Variants in BTG4 observed in about 807,000 individuals in gnomAD.
BTG4 encodes protein BTG4.
A neutral mutation model predicts 19.3 loss-of-function variants in BTG4; 10 were observed. The observed-to-expected ratio is 0.52, with a 90% CI of 0.32 to 0.88. BTG4 has a LOEUF of 0.88. Ranked by LOEUF, BTG4 falls within the 40% of genes least tolerant of loss-of-function variation. The probability of loss-of-function intolerance (pLI) is 0.04; values close to 1 mark genes in which losing one functional copy is unlikely to be tolerated. For missense variants in BTG4, 238 were observed against 281.9 expected (o/e 0.84, Z 1.11); for synonymous variants, 91 against 95.7 (o/e 0.95, Z 0.29).
At chr11:111,508,196 A>G (rs897423273) in intron 1 of BTG4, among the ~76,000 whole-genome samples, 1 of 152,216 alleles carries the variant, frequency 6.6e-6, no homozygotes, top group East Asian at 1.9e-4. Flanking sequence ...TCTTCATCCC[A>G]TATTTTCTAC....
At chr11:111,416,400 T>A in the BTG4 span, 2 of 152,038 alleles carry the variant, frequency 1.3e-5, no homozygotes, top group Admixed American at 1.3e-4. Flanking sequence ...CAATCCTAGG[T>A]AGGTGTGCCT....
At chr11:111,440,233 C>G in the BTG4 span, among the ~76,000 whole-genome samples, 1 of 152,142 alleles carries the variant, frequency 6.6e-6, no homozygotes, top group African/African-American at 2.4e-5. Context: ...GAGAGTGTCC[C>G]AAAAGAACTC....
chr11:111,439,142 A>G, the BTG4 span, among the ~76,000 whole-genome samples: 2 of 152,238 alleles, frequency 1.3e-5, no homozygotes, highest in Admixed American at 6.5e-5. Context: ...GCCAGGCACA[A>G]CAAAGCCACT....
the BTG4 span, among the ~76,000 whole-genome samples, chr11:111,419,317 GC>G: frequency 6.6e-6 from 1 of 152,188 alleles, no homozygotes; most frequent in Non-Finnish European, 1.5e-5. Context: ...CAAGAATTAG[GC>G]CTGTAACTGC....
chr11:111,502,200 G>A (rs1866130653), intron 1 of BTG4, among the ~76,000 whole-genome samples: 1 of 151,698 alleles, frequency 6.6e-6, no homozygotes, highest in Admixed American at 6.6e-5. Context: ...TTGAACTCCT[G>A]GGCTCAAGGA....
chr11:111,509,700 A>AAAAAC (rs1565478859), intron 1 of BTG4, among the ~76,000 whole-genome samples: 2 of 151,778 alleles, frequency 1.3e-5, no homozygotes, highest in African/African-American at 4.8e-5. Context: ...CCATCTCAAA[A>AAAAAC]AAAAACAAAA....
the BTG4 span, among the ~76,000 whole-genome samples, chr11:111,461,550 G>A: frequency 1.8e-4 from 27 of 152,240 alleles, no homozygotes; most frequent in African/African-American, 5.1e-4. Flanking sequence ...GTGAAACCCC[G>A]TCTCTACAAA....
At chr11:111,509,911 C>CTTTTTTTTTTT (rs1450409427) in intron 1 of BTG4, among the ~76,000 whole-genome samples, 3 of 114,724 alleles carry the variant, frequency 2.6e-5, no homozygotes, top group Non-Finnish European at 3.7e-5. Flanking sequence ...TTTCTTTTTT[C>CTTTTTTTTTTT]TTTTTTTTTT....
At chr11:111,458,994 C>A in the BTG4 span, among the ~76,000 whole-genome samples, 2 of 152,174 alleles carry the variant, frequency 1.3e-5, no homozygotes, top group African/African-American at 4.8e-5. Context: ...GTAATCCCAG[C>A]ACTTTGGGAG....
At chr11:111,428,645 T>G in the BTG4 span, among the ~76,000 whole-genome samples, 1 of 152,216 alleles carries the variant, frequency 6.6e-6, no homozygotes, top group Admixed American at 6.5e-5. Flanking sequence ...AAGCTCAATG[T>G]TAGGTCCTAT....
chr11:111,395,661 A>G, the BTG4 span, among the ~76,000 whole-genome samples: 1 of 152,236 alleles, frequency 6.6e-6, no homozygotes, highest in East Asian at 1.9e-4. Flanking sequence ...TCCAAAATAT[A>G]AAGCTGATAC....
downstream of BTG4, chr11:111,494,764 A>C: frequency 1.7e-6 from 1 of 589,200 alleles, no homozygotes; most frequent in Non-Finnish European, 2.1e-6. Flanking sequence ...CCTTCTTTAC[A>C]AAAAATAAAC....
chr11:111,481,653 C>T (rs571934931), intron 5 of BTG4, among the ~76,000 whole-genome samples: 1 of 151,676 alleles, frequency 6.6e-6, no homozygotes, highest in South Asian at 2.1e-4. Flanking sequence ...TTCATGGATG[C>T]AAAGCTGGTT....
the BTG4 span, among the ~76,000 whole-genome samples, chr11:111,438,174 T>C: frequency 0.38 from 57,392 of 152,130 alleles, 10,913 homozygotes; most frequent in Admixed American, 0.43. Flanking sequence ...AGGTCTCTGG[T>C]GTCACCCTGA....
intron 5 of BTG4, among the ~76,000 whole-genome samples, chr11:111,479,522 AG>A (rs1864606818): frequency 6.6e-6 from 1 of 152,154 alleles, no homozygotes; most frequent in Non-Finnish European, 1.5e-5. Context: ...TCTAAATAGA[AG>A]GGAAACAAAA....
chr11:111,459,309 G>A, the BTG4 span, among the ~76,000 whole-genome samples: 21 of 152,102 alleles, frequency 1.4e-4, no homozygotes, highest in African/African-American at 5.1e-4. Flanking sequence ...CTTCTACAGA[G>A]TCCTGAGTTC....
the BTG4 span, among the ~76,000 whole-genome samples, chr11:111,436,897 T>C: frequency 3.3e-5 from 5 of 152,164 alleles, no homozygotes; most frequent in African/African-American, 7.2e-5. Flanking sequence ...CTCCGGCAGA[T>C]GGCAGACAGC....
intron 5 of BTG4, among the ~76,000 whole-genome samples, chr11:111,486,525 A>G (rs1344883559): frequency 6.6e-6 from 1 of 152,222 alleles, no homozygotes; most frequent in Non-Finnish European, 1.5e-5. Flanking sequence ...AATACTTCCA[A>G]ACCCATACTA....
chr11:111,430,224 G>C, the BTG4 span, among the ~76,000 whole-genome samples: 1 of 152,330 alleles, frequency 6.6e-6, no homozygotes, highest in Middle Eastern at 3.4e-3. Flanking sequence ...ATACATTTTA[G>C]AGAGACATGA....
Sources: allele counts gnomAD v4.1 joint callset (sites outside exome capture counted in the v4.1 genomes callset), GRCh38; gene constraint gnomAD v4.1.1; transcripts MANE v1.5; gene names NCBI Gene and HGNC (gene_info 2026-07-23, HGNC 2026-07-21).